Variants in NAT1 observed in about 807,000 individuals in gnomAD.
NAT1 encodes the protein arylamine N-acetyltransferase 1.
For missense variants in NAT1, 400 were observed against 339.2 expected, an observed-to-expected ratio of 1.18 and a Z score of -1.41; for synonymous variants, 144 against 122.6, an observed-to-expected ratio of 1.17 and a Z score of -1.16.
At chr8:18,217,115 G>C (rs867829703) in intron 1 of NAT1, 5 of 682,306 alleles carry the variant, frequency 7.3e-6, no homozygotes, top group Non-Finnish European at 1.2e-5. Flanking sequence ...TTATATAACT[G>C]GTTTTCCCTC....
Position 18,210,610 on chromosome 8 carries a change from C to G in NAT1, c.-86+430C>G, listed in dbSNP as rs28359486. Reference sequence around the variant, plus strand: ...TTGTAACAGTGACGCTCACCCTCCTCTGTCCCCAGTGGTGTGTGTCCCAAA... The same window carrying G: ...TTGTAACAGTGACGCTCACCCTCCTGTGTCCCCAGTGGTGTGTGTCCCAAA... On this transcript the variant is annotated intron_variant, in intron 1 of 2. Transcript: ENST00000307719. 1.4e-3 allele frequency among the ~76,000 whole-genome samples: 215 copies of G among 152,336 alleles called. 2 individuals are homozygous for G. The highest frequency in any genetic ancestry group is 5.0e-3 in the African/African-American group (207 of 41,570).
intron 2 of NAT1, among the ~76,000 whole-genome samples, chr8:18,200,667 A>T (rs1016530889): frequency 6.6e-6 from 1 of 152,182 alleles, no homozygotes; most frequent in African/African-American, 2.4e-5. Flanking sequence ...AAACCTGAAC[A>T]TACACCCAAA....
At chr8:18,176,975 A>C in intron 2 of NAT1, among the ~76,000 whole-genome samples, 1 of 151,952 alleles carries the variant, frequency 6.6e-6, no homozygotes, top group South Asian at 2.1e-4. Flanking sequence ...TTCTGATGCT[A>C]TTGTGAATGA....
chr8:18,211,580 T>C (rs1804105776), intron 1 of NAT1, among the ~76,000 whole-genome samples: 2 of 152,196 alleles, frequency 1.3e-5, no homozygotes, highest in Non-Finnish European at 2.9e-5. Context: ...CTGGTGCAAG[T>C]AACCCCCACC....
upstream of NAT1, among the ~76,000 whole-genome samples, chr8:18,205,692 T>C (rs1401241573): frequency 6.6e-6 from 1 of 151,814 alleles, no homozygotes; most frequent in African/African-American, 2.4e-5. Flanking sequence ...ATGTGAGGAG[T>C]TGCACTGGGC....
chr8:18,193,306 C>G (rs1803091999), intron 2 of NAT1, among the ~76,000 whole-genome samples: 1 of 149,594 alleles, frequency 6.7e-6, no homozygotes, highest in African/African-American at 2.4e-5. Context: ...GTCTCCAACT[C>G]CTGGGCTCAA....
intron 2 of NAT1, among the ~76,000 whole-genome samples, chr8:18,203,223 T>C (rs1374997598): frequency 6.6e-6 from 1 of 152,206 alleles, no homozygotes; most frequent in Non-Finnish European, 1.5e-5. Flanking sequence ...CTCTAATTAA[T>C]TGGCTTAAAG....
At chr8:18,190,456 AAG>A (rs1243607777) in intron 2 of NAT1, among the ~76,000 whole-genome samples, 2 of 152,214 alleles carry the variant, frequency 1.3e-5, no homozygotes, top group Admixed American at 6.5e-5. Context: ...ACTGAATGAG[AAG>A]AGTGTTTCCT....
At chr8:18,178,788 G>T (rs978709165) in intron 2 of NAT1, among the ~76,000 whole-genome samples, 1 of 152,094 alleles carries the variant, frequency 6.6e-6, no homozygotes, top group Admixed American at 6.6e-5. Flanking sequence ...AAGGAATGCC[G>T]GGTTTTGAAC....
At chr8:18,184,113 AC>A (rs1370679522) in intron 2 of NAT1, among the ~76,000 whole-genome samples, 1 of 151,922 alleles carries the variant, frequency 6.6e-6, no homozygotes. Context: ...TGGTGGCCCC[AC>A]CCCTGTGACA....
chr8:18,220,617 G>C (rs533714907), intron 2 of NAT1, among the ~76,000 whole-genome samples: 33 of 152,158 alleles, frequency 2.2e-4, no homozygotes, highest in African/African-American at 6.3e-4. Flanking sequence ...GCTTCATTCA[G>C]GTCTTTCCTC....
intron 2 of NAT1, chr8:18,201,338 A>T (rs1344076186): frequency 6.6e-6 from 1 of 152,178 alleles, no homozygotes; most frequent in Non-Finnish European, 1.5e-5. Context: ...GACAGTAATT[A>T]AAATGAGTAC....
Position 18,187,097 on chromosome 8 carries a change from G to C in NAT1, n.92+16358G>C, listed in dbSNP as rs577693173. Among the ~76,000 whole-genome samples the C allele has an allele frequency of 7.9e-5, 12 of 152,184 alleles. No individual in the cohort carries two copies. In the South Asian group the frequency reaches 2.5e-3, roughly 32 times the overall value. On this transcript the variant is annotated intron_variant and non_coding_transcript_variant, in intron 2 of 4. Transcript: ENST00000517441. Reference sequence around the variant, plus strand: ...ATAGCTGGAATGAAGTGTTGTCTCGGAACTGGTGTAAATATAAGAATAAAC... The same window carrying C: ...ATAGCTGGAATGAAGTGTTGTCTCGCAACTGGTGTAAATATAAGAATAAAC...
rs1043406119 is a variant in NAT1, at chr8:18,222,815, G to A, written c.768G>A (p.Lys256=). 10 of 1,609,064 alleles carry A rather than the reference G, an allele frequency of 6.2e-6. No individual in the cohort carries two copies. Among genetic ancestry groups the A allele is most frequent in the African/African-American group, 1.3e-5 (1 of 74,762 alleles). ...ACAATACAGATCTAATAGAGTTCAA[G>A]ACTCTGAGTGAGGAAGAAATAGAAA... is the stretch of plus-strand genomic sequence containing the variant. ...YKDNTDLIEF[K]TLSEEEIEKV... is the part of the protein sequence containing the mutation. The change falls in exon 3 of 3, where the codon AAG becomes AAA. Residue 256 remains lysine, a synonymous_variant. Transcript: ENST00000307719.
At chr8:18,212,839 T>A (rs986704467) in intron 1 of NAT1, 3 of 152,450 alleles carry the variant, frequency 2.0e-5, no homozygotes, top group Non-Finnish European at 4.4e-5. Context: ...GCCAGCCCCG[T>A]CTTCCCTCTT....
rs1306545928 is a variant in NAT1, at chr8:18,223,382, C to T, written c.*462C>T. 6.0e-6 allele frequency: 1 copy of T among 167,028 alleles called. No individual in the cohort carries two copies. The highest frequency in any genetic ancestry group is 1.5e-5 in the Non-Finnish European group (1 of 68,118). 10.3% of individuals were successfully genotyped at this position (167,028 alleles called of 1,614,324 possible). A position where few individuals can be genotyped will look rare whatever the true frequency, so the allele number is the denominator to read the frequency against. On this transcript the variant is annotated 3_prime_UTR_variant, in exon 3 of 3. Coordinates refer to ENST00000307719, the MANE Select transcript of NAT1 (RefSeq NM_000662.8). ...TGCTACATAATTTTTCCTCGATGCTCTCTTCCTCTCATCTTTCTTGTCTCT... is the reference window on the plus strand; with the variant it reads ...TGCTACATAATTTTTCCTCGATGCTTTCTTCCTCTCATCTTTCTTGTCTCT...
intron 2 of NAT1, among the ~76,000 whole-genome samples, chr8:18,185,750 C>T (rs1290765650): frequency 6.6e-6 from 1 of 151,868 alleles, no homozygotes; most frequent in Non-Finnish European, 1.5e-5. Context: ...ATTTTTCACC[C>T]TTTCTACTTT....
At chr8:18,212,080 T>G (rs1354892764) in intron 1 of NAT1, 2 of 152,164 alleles carry the variant, frequency 1.3e-5, no homozygotes, top group Non-Finnish European at 2.9e-5. Flanking sequence ...AGAATACAGG[T>G]TTCTTTAGCA....
chr8:18,212,057 T>C (rs369170667), intron 1 of NAT1, among the ~76,000 whole-genome samples: 11 of 152,180 alleles, frequency 7.2e-5, no homozygotes, highest in South Asian at 4.1e-4. Context: ...TGTTTATAAC[T>C]TTTTTAAGAG....
Sources: allele counts gnomAD v4.1 joint callset (sites outside exome capture counted in the v4.1 genomes callset), GRCh38; gene constraint gnomAD v4.1.1; transcripts MANE v1.5; gene names NCBI Gene and HGNC (gene_info 2026-07-23, HGNC 2026-07-21).